The following ZNF385D variants were observed in gnomAD, a reference collection of about 807,000 sequenced individuals.
ZNF385D encodes zinc finger protein 659.
ZNF385D carries 15 observed loss-of-function variants against 35.8 expected under a neutral mutation model. The observed-to-expected ratio is 0.42, with a 90% CI of 0.28 to 0.64. The LOEUF (loss-of-function observed/expected upper bound fraction) is 0.64, where lower values mean the gene tolerates loss of function less well. Among genes scored for constraint, ZNF385D ranks in the 30% least tolerant of loss-of-function variants. ZNF385D has a pLI of 0.23. For synonymous variants in ZNF385D, 212 were observed against 186.8 expected, an observed-to-expected ratio of 1.13 and a Z score of -1.10; for missense variants, 474 against 494.6, an observed-to-expected ratio of 0.96 and a Z score of 0.39.
intron 3 of ZNF385D, among the ~76,000 whole-genome samples, chr3:21,925,362 C>A (rs1700675560): frequency 6.6e-6 from 1 of 152,072 alleles, no homozygotes; most frequent in Non-Finnish European, 1.5e-5. Context: ...CAATTTTTAA[C>A]AAAGATGCAA....
chr3:22,243,825 G>C (rs946430690), intron 2 of ZNF385D, among the ~76,000 whole-genome samples: 1 of 150,780 alleles, frequency 6.6e-6, no homozygotes, highest in African/African-American at 2.5e-5. Flanking sequence ...CAGTACTCCA[G>C]ATATGTCAAG....
intron 3 of ZNF385D, among the ~76,000 whole-genome samples, chr3:22,092,410 G>A (rs979032581): frequency 6.6e-6 from 1 of 152,172 alleles, no homozygotes; most frequent in South Asian, 2.1e-4. Context: ...TATCCAGACA[G>A]TGCTGACTCT....
At chr3:22,117,091 G>T (rs1037226784) in intron 3 of ZNF385D, among the ~76,000 whole-genome samples, 4 of 152,044 alleles carry the variant, frequency 2.6e-5, no homozygotes, top group Admixed American at 2.6e-4. Context: ...GCTTTGAGAT[G>T]CCAGGCTTTA....
chr3:22,069,404 C>T (rs1235032960), intron 3 of ZNF385D, among the ~76,000 whole-genome samples: 4 of 152,044 alleles, frequency 2.6e-5, no homozygotes, highest in Admixed American at 2.0e-4. Context: ...CTAGTGTTGG[C>T]CTCGGGGTGG....
chr3:21,942,145 CA>C (rs1701552614), intron 3 of ZNF385D, among the ~76,000 whole-genome samples: 1 of 152,088 alleles, frequency 6.6e-6, no homozygotes, highest in African/African-American at 2.4e-5. Context: ...GATAAGTTGT[CA>C]AAAATTTTAT....
At chr3:21,822,140 T>C (rs1694286886) in intron 3 of ZNF385D, among the ~76,000 whole-genome samples, 1 of 152,082 alleles carries the variant, frequency 6.6e-6, no homozygotes, top group African/African-American at 2.4e-5. Context: ...CGTGTGATCT[T>C]GGCTCACTGT....
chr3:22,307,137 T>C (rs972599834), intron 2 of ZNF385D, among the ~76,000 whole-genome samples: 5 of 151,954 alleles, frequency 3.3e-5, no homozygotes, highest in African/African-American at 1.2e-4. Context: ...AGGAGTTGAA[T>C]CCTAAAAAGG....
chr3:22,268,810 T>A (rs572038073), intron 2 of ZNF385D, among the ~76,000 whole-genome samples: 1 of 151,980 alleles, frequency 6.6e-6, no homozygotes, highest in Non-Finnish European at 1.5e-5. Context: ...CCCATGCATT[T>A]TTACTTGCTA....
intron 2 of ZNF385D, among the ~76,000 whole-genome samples, chr3:21,605,828 A>T (rs2064462876): frequency 6.6e-6 from 1 of 152,174 alleles, no homozygotes; most frequent in Non-Finnish European, 1.5e-5. Flanking sequence ...ATCTTTAATG[A>T]TTTCTTAAAA....
At chr3:22,363,779 T>C (rs1398669511) in intron 2 of ZNF385D, among the ~76,000 whole-genome samples, 1 of 152,122 alleles carries the variant, frequency 6.6e-6, no homozygotes, top group Admixed American at 6.5e-5. Context: ...TTACCATGAG[T>C]GTCTCAATGC....
chr3:22,237,667 G>A (rs1316344489), intron 2 of ZNF385D, among the ~76,000 whole-genome samples: 1 of 151,942 alleles, frequency 6.6e-6, no homozygotes, highest in Non-Finnish European at 1.5e-5. Context: ...ATTTTGAGAT[G>A]GGGTCTCGCT....
intron 3 of ZNF385D, among the ~76,000 whole-genome samples, chr3:21,952,718 T>G (rs1026919913): frequency 2.6e-5 from 4 of 151,986 alleles, no homozygotes; most frequent in African/African-American, 9.7e-5. Context: ...ATGGATTAAT[T>G]TTTGGTGACT....
chr3:21,648,680 A>G (rs1283962162), intron 2 of ZNF385D, among the ~76,000 whole-genome samples: 1 of 152,158 alleles, frequency 6.6e-6, no homozygotes, highest in African/African-American at 2.4e-5. Flanking sequence ...CATAATAGGA[A>G]TTCATCAAAT....
At chr3:22,224,191 T>C (rs1305966260) in intron 2 of ZNF385D, among the ~76,000 whole-genome samples, 1 of 152,180 alleles carries the variant, frequency 6.6e-6, no homozygotes, top group African/African-American at 2.4e-5. Flanking sequence ...TATAAATGAA[T>C]TCAGTACAGG....
intron 1 of ZNF385D, among the ~76,000 whole-genome samples, chr3:21,723,525 G>C (rs1025144539): frequency 7.9e-5 from 12 of 152,196 alleles, no homozygotes; most frequent in African/African-American, 2.9e-4. Context: ...TCAAATAGCC[G>C]AATTTATCAA....
intron 3 of ZNF385D, among the ~76,000 whole-genome samples, chr3:22,031,648 T>TG (rs964038850): frequency 3.9e-5 from 6 of 152,216 alleles, no homozygotes; most frequent in African/African-American, 1.4e-4. Flanking sequence ...TTGGAGGGGC[T>TG]GCTGAGAAGA....
chr3:22,097,526 T>C (rs140995152), intron 3 of ZNF385D, among the ~76,000 whole-genome samples: 2 of 152,156 alleles, frequency 1.3e-5, no homozygotes, highest in East Asian at 3.9e-4. Context: ...ATATTCCTAA[T>C]GAATGCAAGA....
chr3:21,715,411 C>A (rs945312904), intron 1 of ZNF385D, among the ~76,000 whole-genome samples: 1 of 152,072 alleles, frequency 6.6e-6, no homozygotes, highest in Admixed American at 6.5e-5. Flanking sequence ...ATCCAAGTTG[C>A]TGCAAAAGCC....
chr3:21,597,378 A>C (rs1217781405), intron 2 of ZNF385D, among the ~76,000 whole-genome samples: 1 of 152,130 alleles, frequency 6.6e-6, no homozygotes, highest in Admixed American at 6.5e-5. Context: ...AAAGAAAAAT[A>C]AAAGAATGCA....
Sources: gnomAD v4.1 joint callset for allele counts (sites outside exome capture counted in the v4.1 genomes callset) on GRCh38, gnomAD v4.1.1 for gene constraint, MANE v1.5 for transcripts, NCBI Gene and HGNC (gene_info 2026-07-23, HGNC 2026-07-21) for gene names.